The following XG variants were observed in gnomAD, a reference collection of about 807,000 sequenced individuals.
XG encodes glycoprotein Xg.
XG carries 24 observed loss-of-function variants against 25.7 expected under a neutral mutation model. The observed-to-expected ratio is 0.93, with a 90% CI of 0.68 to 1.31. The LOEUF (loss-of-function observed/expected upper bound fraction) is 1.31, where lower values mean the gene tolerates loss of function less well. Ranked by LOEUF, XG falls within the 40% of genes most tolerant of loss-of-function variation. XG has a pLI of 0.00. For missense variants in XG, 181 were observed against 187.6 expected (o/e 0.96, Z 0.21); for synonymous variants, 77 against 69.2 (o/e 1.11, Z -0.56).
At chrX:2,774,858 T>C in intron 3 of XG, 119 bp downstream of exon 3, 2 of 1,313,966 alleles carry the variant, frequency 1.5e-6, no homozygotes, top group East Asian at 2.3e-5. Context: ...GCAACAACTG[T>C]ACCAGATAGC....
intron 1 of XG, among the ~76,000 whole-genome samples, chrX:2,766,149 TC>T (rs1450235126): frequency 2.1e-5 from 3 of 140,636 alleles, no homozygotes; most frequent in African/African-American, 8.2e-5. Flanking sequence ...TCTCTCTCTC[TC>T]TTTTTTTTTG....
chrX:2,776,796 C>A (rs28416331), intron 3 of XG, among the ~76,000 whole-genome samples: 3,985 of 152,134 alleles, frequency 0.026, 175 homozygotes, highest in African/African-American at 0.09. Flanking sequence ...TGCAGTGAGC[C>A]GAGATCTCCC....
chrX:2,797,392 TGGAG>T, intron 7 of XG, 32 bp downstream of exon 7: 1 of 1,134,655 alleles, frequency 8.8e-7, no homozygotes, highest in Non-Finnish European at 1.2e-6. Context: ...CGATGGTGGG[TGGAG>T]GGTGGGAGGG....
intron 3 of XG, among the ~76,000 whole-genome samples, chrX:2,781,064 C>A (rs1020369016): frequency 1.3e-5 from 2 of 151,770 alleles, no homozygotes; most frequent in Non-Finnish European, 2.9e-5. Flanking sequence ...GTGGAAGTGT[C>A]GCAGGCCAGG....
intron 1 of XG, among the ~76,000 whole-genome samples, chrX:2,770,228 A>G (rs2050786808): frequency 6.7e-6 from 1 of 149,930 alleles, no homozygotes; most frequent in Non-Finnish European, 1.5e-5. Flanking sequence ...AATACCACAT[A>G]TTGTAGAATT....
intron 7 of XG, 71 bp downstream of exon 7, chrX:2,797,431 G>T: frequency 8.9e-7 from 1 of 1,121,479 alleles, no homozygotes; most frequent in South Asian, 1.9e-5. Flanking sequence ...GCTCCCGCTT[G>T]CACTCTGCCC....
At chrX:2,765,728 CT>C (rs2050669506) in intron 1 of XG, among the ~76,000 whole-genome samples, 1 of 152,228 alleles carries the variant, frequency 6.6e-6, no homozygotes, top group South Asian at 2.1e-4. Context: ...GGGTCCATTG[CT>C]CTCCTGTGCT....
chrX:2,803,756 G>A (rs1204931634), intron 7 of XG, among the ~76,000 whole-genome samples: 2 of 111,732 alleles, frequency 1.8e-5, no homozygotes, highest in Non-Finnish European at 3.8e-5. Flanking sequence ...CAATAGTGAT[G>A]TTACCCCCAG....
At chrX:2,758,237 C>G (rs1386639892) in intron 1 of XG, among the ~76,000 whole-genome samples, 2 of 152,034 alleles carry the variant, frequency 1.3e-5, no homozygotes, top group Non-Finnish European at 2.9e-5. Context: ...AGCGTGTAGC[C>G]ATTTCGTGCA....
intron 7 of XG, among the ~76,000 whole-genome samples, chrX:2,805,674 T>G (rs11797301): frequency 0.17 from 18,736 of 109,909 alleles, 1,488 homozygotes; most frequent in Admixed American, 0.36. Context: ...CCTTGGCTTG[T>G]AGACACCATC....
At chrX:2,787,907 C>CAAA (rs61601632) in intron 4 of XG, among the ~76,000 whole-genome samples, 1 of 50,780 alleles carries the variant, frequency 2.0e-5, no homozygotes, top group Admixed American at 2.7e-4. Flanking sequence ...AACTCCTTCT[C>CAAA]AAAAAAAAAA....
intron 4 of XG, among the ~76,000 whole-genome samples, chrX:2,786,714 TTTAAGAAGGAGA>T (rs1465159328): frequency 6.3e-5 from 7 of 111,429 alleles, no homozygotes; most frequent in Non-Finnish European, 1.3e-4. Flanking sequence ...AGATGGGGCC[TTTAAGAAGGAGA>T]TTAATGTAAA....
intron 1 of XG, among the ~76,000 whole-genome samples, chrX:2,760,529 A>T (rs1430468139): frequency 6.7e-6 from 1 of 150,374 alleles, no homozygotes; most frequent in Non-Finnish European, 1.5e-5. Context: ...AGGTCAGGAG[A>T]TGGAGATCAT....
intron 9 of XG, among the ~76,000 whole-genome samples, chrX:2,810,130 C>T (rs1458950134): frequency 8.9e-6 from 1 of 111,899 alleles, no homozygotes; most frequent in Non-Finnish European, 1.9e-5. Context: ...CAACACTCTT[C>T]CCCCCAGCAT....
chrX:2,794,337 T>C (rs989726949), intron 5 of XG, among the ~76,000 whole-genome samples, 198 bp from the exon 6 acceptor site: 2 of 112,328 alleles, frequency 1.8e-5, no homozygotes, highest in African/African-American at 6.5e-5. Flanking sequence ...TTCTGGGCCC[T>C]GCACACGCCT....
rs748186160 is a variant in XG, at chrX:2,793,818, G to T, written c.254-717G>T. ...AAGCTGGAATTCTCCCTGGGGAATC[G>T]GCCACTGCCAACGTGAGGGCTGGGG... is the stretch of plus-strand genomic sequence containing the variant. On this transcript the variant is annotated intron_variant, in intron 5 of 10. Coordinates refer to ENST00000644266, the MANE Select transcript of XG (RefSeq NM_001141919.2). Among the ~76,000 whole-genome samples, 74 of 111,742 alleles carry T rather than the reference G, an allele frequency of 6.6e-4. 2 individuals carry two copies. The highest frequency in any genetic ancestry group is 4.9e-4 in the Non-Finnish European group (26 of 53,122).
At chrX:2,759,012 GTATCTATGTATC>G (rs372389099) in intron 1 of XG, among the ~76,000 whole-genome samples, 36 of 119,106 alleles carry the variant, frequency 3.0e-4, no homozygotes, top group African/African-American at 1.1e-3. Flanking sequence ...ACCTATCTAT[GTATCTATGTATC>G]TATCTATGTA....
chrX:2,796,244 TTATA>T (rs1355534697), intron 6 of XG, among the ~76,000 whole-genome samples: 4 of 107,397 alleles, frequency 3.7e-5, no homozygotes, highest in African/African-American at 6.7e-5. Flanking sequence ...TACATAACCT[TTATA>T]TATGTATAAA....
intron 4 of XG, among the ~76,000 whole-genome samples, chrX:2,784,098 C>T (rs1412050445): frequency 9.0e-6 from 1 of 111,590 alleles, no homozygotes; most frequent in African/African-American, 3.3e-5. Context: ...ATGAAAATCC[C>T]AAATACCACC....
Sources: allele counts gnomAD v4.1 joint callset (sites outside exome capture counted in the v4.1 genomes callset), GRCh38; gene constraint gnomAD v4.1.1; transcripts MANE v1.5; gene names NCBI Gene and HGNC (gene_info 2026-07-23, HGNC 2026-07-21).